The following PNPLA6 variants were observed in gnomAD, a reference collection of about 807,000 sequenced individuals.
The protein encoded by PNPLA6 is patatin like domain 6, lysophospholipase.
A neutral mutation model predicts 153.7 loss-of-function variants in PNPLA6; 105 were observed. The ratio of observed to expected loss-of-function variants is 0.68; its 90% CI spans 0.58 to 0.80. The LOEUF is 0.80. Ranked by LOEUF, PNPLA6 falls within the 30% of genes least tolerant of loss-of-function variation. The probability of loss-of-function intolerance (pLI) is 0.00; values close to 1 mark genes in which losing one functional copy is unlikely to be tolerated. For synonymous variants in PNPLA6, 825 were observed against 822.2 expected, an observed-to-expected ratio of 1.00 and a Z score of -0.06; for missense variants, 1,423 against 1,919.3, an observed-to-expected ratio of 0.74 and a Z score of 4.83.
chr19:7,557,784 A>C (rs112255847), intron 27 of PNPLA6, among the ~76,000 whole-genome samples: 20,803 of 65,236 alleles, frequency 0.32, 1,711 homozygotes, highest in Non-Finnish European at 0.33. Context: ...ACTCAGTCTC[A>C]AAAAAAAAAA....
Position 7,554,292 on chromosome 19 carries a change from G to T in PNPLA6, c.2465+20G>T, listed in dbSNP as rs201458284. 24 of 1,606,890 alleles carry T rather than the reference G, an allele frequency of 1.5e-5. No individual in the cohort carries two copies. Among genetic ancestry groups the T allele is most frequent in the Non-Finnish European group, 4.3e-6 (5 of 1,173,452 alleles). ...GGATAGGTGTGTGTTGCAGAAGGGA[G>T]TGGGGAGGGTGGTGGGTGGGCCTGG... On this transcript the variant is annotated intron_variant, in intron 20 of 31. Transcript: ENST00000600737.
chr19:7,535,673 A>G, upstream of PNPLA6: 4 of 1,535,806 alleles, frequency 2.6e-6, no homozygotes, highest in South Asian at 2.4e-5. The surrounding 1 kb of genome is among the most constrained non-coding windows in gnomAD (Gnocchi z 5.0). Flanking sequence ...TGGTCTGGCG[A>G]TAACGCGCTG....
intron 13 of PNPLA6, among the ~76,000 whole-genome samples, chr19:7,546,993 C>T (rs1179018678): frequency 6.6e-6 from 1 of 152,050 alleles, no homozygotes; most frequent in Non-Finnish European, 1.5e-5. Flanking sequence ...CAACCTCTGC[C>T]TCCTAGGTTC....
In PNPLA6 at chr19:7,560,645, C is replaced by T. The variant is rs766686613; in HGVS notation, c.3700-3C>T. ...CATGGACCCAGCCCCTCATTTCCCA[C>T]AGGATGTGGGCTACCAGTACGGGAA... On this transcript the variant is annotated splice_region_variant and splice_polypyrimidine_tract_variant and intron_variant, in intron 28 of 31. Transcript: ENST00000600737. 6.2e-7 allele frequency: 1 copy of T among 1,604,432 alleles called. No homozygotes were observed. Among genetic ancestry groups the T allele is most frequent in the Non-Finnish European group, 8.5e-7 (1 of 1,171,234 alleles).
chr19:7,560,170 G>A (rs1016670632), intron 28 of PNPLA6, among the ~76,000 whole-genome samples: 1 of 151,212 alleles, frequency 6.6e-6, no homozygotes, highest in African/African-American at 2.4e-5. Flanking sequence ...AAAAATTAAA[G>A]ATAAAAATAA....
rs368449963 is a variant in PNPLA6, at chr19:7,556,544, G to T, written c.3185G>T (p.Arg1062Leu). ...TCTGCCTTTAACCGCAGCATCCATC[G>T]GGTCTTCCAGGATAAGCAGATTGAG... ...TGSAFNRSIH[R>L]VFQDKQIEDL... The change falls in exon 25 of 32, where the codon CGG becomes CTG. Residue 1062 changes from arginine to leucine, a missense_variant. Arg to Leu is a moderately radical substitution (Grantham distance 102). This residue lies in a region of PNPLA6 where 643 missense variants were observed against 835.2 expected (regional missense o/e 0.77). Coordinates refer to ENST00000600737, the MANE Select transcript of PNPLA6 (RefSeq NM_001166114.2). 6.2e-7 allele frequency: 1 copy of T among 1,613,090 alleles called. No homozygotes were observed. Among genetic ancestry groups the T allele is most frequent in the Admixed American group, 1.7e-5 (1 of 59,992 alleles).
chr19:7,541,091 C>T lies in PNPLA6; in HGVS notation c.924+40C>T. ...GCCTCCTGTCACCCCCTGAGGGACC[C>T]CACCCTGGCCCCCACCCATTCCAGG... On this transcript the variant is annotated intron_variant, in intron 7 of 31. Coordinates refer to ENST00000600737, the MANE Select transcript of PNPLA6 (RefSeq NM_001166114.2). The surrounding 1 kb of genome is among the most constrained non-coding windows in gnomAD (Gnocchi z 5.2). 1 of 1,590,930 alleles carries T rather than the reference C, an allele frequency of 6.3e-7. No homozygotes were observed. The highest frequency in any genetic ancestry group is 1.1e-5 in the South Asian group (1 of 88,270).
chr19:7,557,310 A>C (rs1280511203), intron 27 of PNPLA6, 26 bp downstream of exon 27: 2 of 1,365,760 alleles, frequency 1.5e-6, no homozygotes, highest in Non-Finnish European at 2.1e-6. Context: ...CACCACCCGC[A>C]CACGCAAGCA....
Position 7,555,489 on chromosome 19 carries a change from C to T in PNPLA6, c.2937-118C>T. ...GTGGAGCTTCCCCTCCGGGAGAGAC[C>T]CCGTGGGTAGGGGCGGGTCCTTTGT... On this transcript the variant is annotated intron_variant, in intron 23 of 31. Coordinates refer to ENST00000600737, the MANE Select transcript of PNPLA6 (RefSeq NM_001166114.2). The surrounding 1 kb of genome is among the most constrained non-coding windows in gnomAD (Gnocchi z 6.3). 7.2e-7 allele frequency: 1 copy of T among 1,383,110 alleles called. No individual in the cohort carries two copies. Among genetic ancestry groups the T allele is most frequent in the Non-Finnish European group, 1.0e-6 (1 of 1,003,038 alleles). 85.7% of individuals were successfully genotyped at this position (1,383,110 alleles called of 1,614,324 possible).
In PNPLA6 at chr19:7,549,098, C is replaced by A. The variant is rs1036244299; in HGVS notation, c.1609-809C>A. Among the ~76,000 whole-genome samples, 6 of 149,634 alleles carry A rather than the reference C, an allele frequency of 4.0e-5. 1 individual carries two copies. The highest frequency in any genetic ancestry group is 8.9e-5 in the Non-Finnish European group (6 of 67,514). On this transcript the variant is annotated intron_variant, in intron 13 of 31. Transcript: ENST00000600737. ...GATTACAGGCATGAGCCATCGCGCCCGGCTAAAAAATATTTTTATATTTAT... is the reference window on the plus strand; with the variant it reads ...GATTACAGGCATGAGCCATCGCGCCAGGCTAAAAAATATTTTTATATTTAT...
rs564831683 is a variant in PNPLA6, at chr19:7,544,236, C to T, written c.1608+1152C>T. Among the ~76,000 whole-genome samples, 328 of 152,256 alleles carry T rather than the reference C, an allele frequency of 2.2e-3. 1 individual carries two copies. Among genetic ancestry groups the T allele is most frequent in the African/African-American group, 6.9e-3 (286 of 41,546 alleles). On this transcript the variant is annotated intron_variant, in intron 13 of 31. Transcript: ENST00000600737. ...AAGCAATTCTCCTGCCTCAGCCTCC[C>T]GAGTAGCTGGGATTACAGGGTTGTG...
chr19:7,543,329 T>C lies in PNPLA6; in HGVS notation c.1608+245T>C, dbSNP rs499028. Among the ~76,000 whole-genome samples, 56,424 of 151,158 alleles carry C rather than the reference T, an allele frequency of 0.37. 10,954 individuals are homozygous for C. Among genetic ancestry groups the C allele is most frequent in the African/African-American group, 0.45 (18,731 of 41,318 alleles). On this transcript the variant is annotated intron_variant, in intron 13 of 31. Coordinates refer to ENST00000600737, the MANE Select transcript of PNPLA6 (RefSeq NM_001166114.2). ...ACCCCTGAACCTTTTGCCCTAGGAC[T>C]CCAACTCCTAGATCTCTCCTGCCTG...
At chr19:7,539,164 A>T (rs1370281859) in intron 3 of PNPLA6, among the ~76,000 whole-genome samples, 1 of 152,236 alleles carries the variant, frequency 6.6e-6, no homozygotes, top group Non-Finnish European at 1.5e-5. Context: ...CTTTGTACCA[A>T]TAAAACTTTA....
At position 7,550,994 on chromosome 19, in the gene PNPLA6, G is replaced by A; in HGVS notation, c.2071G>A (p.Val691Met). The change falls in exon 17 of 32, where the codon GTG (valine) becomes ATG (methionine). Residue 691 changes from valine to methionine, a missense_variant and splice_region_variant. By Grantham distance (21) the Val-to-Met change is conservative. Around this residue, in one of 10 missense-constraint regions of PNPLA6, gnomAD observed 63 missense variants for 166.2 expected, o/e 0.38. Coordinates refer to ENST00000600737, the MANE Select transcript of PNPLA6 (RefSeq NM_001166114.2). Reference protein sequence around the residue: ...EYGRGDLIGVVEALTRQPRAT... With the variant: ...EYGRGDLIGVMEALTRQPRAT... ...CCCAATCATGCACGCGGCCCCCCAG[G>A]TGGAGGCACTGACCCGGCAGCCGCG... 1.3e-6 allele frequency: 2 copies of A among 1,539,212 alleles called. No individual in the cohort carries two copies. Among genetic ancestry groups the A allele is most frequent in the Non-Finnish European group, 1.8e-6 (2 of 1,141,332 alleles).
At chr19:7,558,392 G>T (rs938202999) in intron 27 of PNPLA6, among the ~76,000 whole-genome samples, 3 of 152,242 alleles carry the variant, frequency 2.0e-5, no homozygotes, top group Non-Finnish European at 2.9e-5. Context: ...AGCACTTTGG[G>T]AGGCTGAGGC....
rs201894083 is a variant in PNPLA6 at position 7,536,500 on chromosome 19, C to A, written c.367C>A (p.Arg123=). Residue 123 remains arginine, a synonymous_variant, in exon 3 of 32, where the codon CGG becomes AGG. Transcript: ENST00000600737. ...LVDTSVSATS[R]PRMRKKLKML... is the part of the protein sequence containing the mutation. ...GGATACCTCTGTCTCCGCCACCTCC[C>A]GGCCACGCATGAGGAAGAAACTGAA... The A allele has an allele frequency of 8.1e-6, 13 of 1,613,998 alleles. No homozygotes were observed. The Admixed American group carries it at 8.3e-5, about 10-fold the overall frequency.
rs1348038771 is a variant in PNPLA6 at position 7,541,455 on chromosome 19, G to A, written c.1005+21G>A. ...GCCACGTGAGTGGGTGGCGGGGAGC[G>A]AGCACAGGGGGGATGGGGGCGAGGT... is the stretch of plus-strand genomic sequence containing the variant. On this transcript the variant is annotated intron_variant, in intron 8 of 31. Coordinates refer to ENST00000600737, the MANE Select transcript of PNPLA6 (RefSeq NM_001166114.2). This position sits in a 1 kb window ranked among gnomAD's most constrained non-coding sequence, Gnocchi z 5.2. 1 of 1,613,210 alleles carries A rather than the reference G, an allele frequency of 6.2e-7. No individual in the cohort carries two copies. The highest frequency in any genetic ancestry group is 8.5e-7 in the Non-Finnish European group (1 of 1,179,408).
At chr19:7,557,799 G>GA (rs1452741851) in intron 27 of PNPLA6, among the ~76,000 whole-genome samples, 1 of 141,906 alleles carries the variant, frequency 7.0e-6, no homozygotes, top group Non-Finnish European at 1.5e-5. Flanking sequence ...AAAAAAAAAA[G>GA]AAAGAAAGAA....
At chr19:7,553,129 G>C (rs546283068) in intron 18 of PNPLA6, among the ~76,000 whole-genome samples, 1 of 152,336 alleles carries the variant, frequency 6.6e-6, no homozygotes, top group South Asian at 2.1e-4. Context: ...GATTCCACCA[G>C]TAAGGAGGCA....
Sources: gnomAD v4.1 joint callset for allele counts (sites outside exome capture counted in the v4.1 genomes callset) on GRCh38, gnomAD v4.1.1 for gene constraint, gnomAD v4.1.1 regional missense constraint, Gnocchi (gnomAD v3.1) non-coding constraint, MANE v1.5 for transcripts, NCBI Gene and HGNC (gene_info 2026-07-23, HGNC 2026-07-21) for gene names.